Variants in SLC1A1 observed in about 807,000 individuals in gnomAD.
SLC1A1 encodes the protein excitatory amino acid transporter 3.
Under a neutral mutation model 53.3 loss-of-function variants are expected in SLC1A1, and 43 were observed. The ratio of observed to expected loss-of-function variants is 0.81; its 90% CI spans 0.63 to 1.04. The LOEUF is 1.04. Among genes scored for constraint, SLC1A1 ranks in the 50% least tolerant of loss-of-function variants. The pLI, the probability that SLC1A1 is intolerant of heterozygous loss-of-function variation, is 0.00. For synonymous variants in SLC1A1, 307 were observed against 243.2 expected, an observed-to-expected ratio of 1.26 and a Z score of -2.44; for missense variants, 748 against 664.9, an observed-to-expected ratio of 1.12 and a Z score of -1.37.
At chr9:4,505,846 G>T (rs925193549) in intron 1 of SLC1A1, among the ~76,000 whole-genome samples, 1 of 151,944 alleles carries the variant, frequency 6.6e-6, no homozygotes, top group East Asian at 1.9e-4. Context: ...TAGTTTTTGG[G>T]ATGGAGAGTC....
chr9:4,585,888 G>A lies in SLC1A1; in HGVS notation c.*330G>A. On this transcript the variant is annotated 3_prime_UTR_variant, in exon 12 of 12. Transcript: ENST00000262352. Reference sequence around the variant, plus strand: ...TATGAAAGAGAAAATGCTTTCTCATGCATAGACAAGTGTTTTGGGTTTTTA... The same window carrying A: ...TATGAAAGAGAAAATGCTTTCTCATACATAGACAAGTGTTTTGGGTTTTTA... 2 of 276,652 alleles carry A rather than the reference G, an allele frequency of 7.2e-6. No homozygotes were observed. Among genetic ancestry groups the A allele is most frequent in the East Asian group, 8.6e-5 (1 of 11,614 alleles). The allele number at this position is 276,652 out of a possible 1,614,324, so 17.1% of individuals were successfully genotyped here.
chr9:4,522,640 G>C (rs112378959), intron 1 of SLC1A1, among the ~76,000 whole-genome samples: 6,297 of 152,206 alleles, frequency 0.041, 165 homozygotes, highest in South Asian at 0.056. Context: ...TGCGTGGCTG[G>C]GGAGGCCTCA....
chr9:4,492,277 T>C (rs1163388082), intron 1 of SLC1A1, among the ~76,000 whole-genome samples: 1 of 152,160 alleles, frequency 6.6e-6, no homozygotes, highest in African/African-American at 2.4e-5. Context: ...CTTGTTTGTT[T>C]TCCTAGTGAT....
At chr9:4,560,616 T>C (rs1361984165) in intron 2 of SLC1A1, among the ~76,000 whole-genome samples, 1 of 152,086 alleles carries the variant, frequency 6.6e-6, no homozygotes, top group Non-Finnish European at 1.5e-5. Flanking sequence ...ATAAACATTA[T>C]TTTTTCCAGT....
intron 1 of SLC1A1, among the ~76,000 whole-genome samples, chr9:4,522,042 CTTTTTT>C (rs796721359): frequency 1.1e-5 from 1 of 88,448 alleles, no homozygotes; most frequent in Non-Finnish European, 2.5e-5. Context: ...GAACCTGCCT[CTTTTTT>C]TTTTTCTTTT....
intron 1 of SLC1A1, among the ~76,000 whole-genome samples, chr9:4,514,498 G>C (rs1000237094): frequency 6.6e-6 from 1 of 152,206 alleles, no homozygotes; most frequent in African/African-American, 2.4e-5. Context: ...GGATCTTGGA[G>C]GAGGTTGGGA....
intron 1 of SLC1A1, among the ~76,000 whole-genome samples, chr9:4,524,592 C>T (rs1417891894): frequency 2.0e-5 from 3 of 152,186 alleles, no homozygotes; most frequent in Non-Finnish European, 4.4e-5. Flanking sequence ...ATTTAGGTCA[C>T]AGCTCTGTAA....
At chr9:4,526,319 A>T (rs753086924) in intron 1 of SLC1A1, among the ~76,000 whole-genome samples, 9 of 152,228 alleles carry the variant, frequency 5.9e-5, no homozygotes, top group Non-Finnish European at 1.3e-4. Flanking sequence ...ACTTTGAATG[A>T]ACTGGATCTA....
intron 1 of SLC1A1, among the ~76,000 whole-genome samples, chr9:4,532,203 G>A (rs1013505759): frequency 6.6e-6 from 1 of 152,164 alleles, no homozygotes; most frequent in Non-Finnish European, 1.5e-5. Flanking sequence ...AAAGCTGGAG[G>A]GAGAATGAGA....
At chr9:4,585,130 T>C (rs778435827) in intron 11 of SLC1A1, among the ~76,000 whole-genome samples, 182 bp from the exon 12 acceptor site, 40 of 152,314 alleles carry the variant, frequency 2.6e-4, no homozygotes, top group South Asian at 8.3e-4. Context: ...TTGGGGGAGC[T>C]CATGCTGTGC....
chr9:4,585,168 G>T, intron 11 of SLC1A1, 144 bp from the exon 12 acceptor site: 1 of 1,040,594 alleles, frequency 9.6e-7, no homozygotes, highest in Non-Finnish European at 1.4e-6. Flanking sequence ...GGCCTGTGAG[G>T]AGCCTTCAGT....
At chr9:4,507,150 C>T (rs551971162) in intron 1 of SLC1A1, among the ~76,000 whole-genome samples, 14 of 152,150 alleles carry the variant, frequency 9.2e-5, no homozygotes, top group East Asian at 3.9e-4. Context: ...AGGAGAATGG[C>T]GTGAACCCGG....
In SLC1A1 at chr9:4,549,932, G is replaced by T. The variant is rs917716000; in HGVS notation, c.232+5225G>T. ...CATTCCTAACCCTTCCTGTGATGTC[G>T]CAGCTCTGGATTTCCTAAAAACGCC... On this transcript the variant is annotated intron_variant, in intron 2 of 11. Coordinates refer to ENST00000262352, the MANE Select transcript of SLC1A1 (RefSeq NM_004170.6). This position sits in a 1 kb window ranked among gnomAD's most constrained non-coding sequence, Gnocchi z 4.1. Among the ~76,000 whole-genome samples, 2 of 152,074 alleles carry T rather than the reference G, an allele frequency of 1.3e-5. No individual in the cohort carries two copies. Among genetic ancestry groups the T allele is most frequent in the Non-Finnish European group, 2.9e-5 (2 of 68,002 alleles).
intron 2 of SLC1A1, chr9:4,554,356 A>G (rs1418973278): frequency 6.6e-6 from 1 of 152,276 alleles, no homozygotes; most frequent in African/African-American, 2.4e-5. Context: ...ACAAGCAGAT[A>G]GCTAGGTCTC....
Position 4,544,682 on chromosome 9 carries a change from A to G in SLC1A1, c.207A>G (p.Pro69=), listed in dbSNP as rs1156448539. ...GGATGCTGAAACTCATCATTTTGCC[A>G]TTAATTATATCCAGCATGATTACAG... The part of the protein sequence containing the change: ...LMRMLKLIIL[P]LIISSMITGV... The change falls in exon 2 of 12, where the codon CCA becomes CCG. Residue 69 remains proline (P), a synonymous_variant. Coordinates refer to ENST00000262352, the MANE Select transcript of SLC1A1 (RefSeq NM_004170.6). 1.2e-6 allele frequency: 2 copies of G among 1,613,594 alleles called. No homozygotes were observed. Among genetic ancestry groups the G allele is most frequent in the African/African-American group, 1.3e-5 (1 of 75,048 alleles).
chr9:4,573,824 C>A, intron 7 of SLC1A1, 83 bp from the exon 8 acceptor site: 1 of 923,362 alleles, frequency 1.1e-6, no homozygotes, highest in Non-Finnish European at 1.8e-6. Context: ...AGGGTGCCCA[C>A]ACTGGAGTGT....
chr9:4,570,965 T>C (rs1819979414), intron 6 of SLC1A1, among the ~76,000 whole-genome samples: 1 of 151,756 alleles, frequency 6.6e-6, no homozygotes, highest in African/African-American at 2.4e-5. Flanking sequence ...GGTATTTGGC[T>C]AATTTTTATA....
chr9:4,537,427 C>G lies in SLC1A1; in HGVS notation c.92-7140C>G, dbSNP rs1328190059. On this transcript the variant is annotated intron_variant, in intron 1 of 11. Coordinates refer to ENST00000262352, the MANE Select transcript of SLC1A1 (RefSeq NM_004170.6). ...ACAAAAAATTAGCCGGGCGCGGTGG[C>G]GGGCGCCTGTAGTCCCAGCTACTCG... Among the ~76,000 whole-genome samples the G allele has an allele frequency of 1.7e-4, 17 of 97,360 alleles. 6 individuals carry two copies. Among genetic ancestry groups the G allele is most frequent in the Non-Finnish European group, 3.2e-4 (14 of 44,358 alleles). The allele number at this position is 97,360 out of a possible 152,430, so 63.9% of individuals were successfully genotyped here.
chr9:4,530,422 G>C (rs1306519411), intron 1 of SLC1A1, among the ~76,000 whole-genome samples: 1 of 152,194 alleles, frequency 6.6e-6, no homozygotes, highest in Non-Finnish European at 1.5e-5. Flanking sequence ...CGTCCTGGGA[G>C]AAGCAGCAAT....
Sources: gnomAD v4.1 joint callset for allele counts (sites outside exome capture counted in the v4.1 genomes callset) on GRCh38, gnomAD v4.1.1 for gene constraint, Gnocchi (gnomAD v3.1) non-coding constraint, MANE v1.5 for transcripts, NCBI Gene and HGNC (gene_info 2026-07-23, HGNC 2026-07-21) for gene names.